MBP: variants seen among roughly 807,000 people sequenced by gnomAD.
MBP encodes Golli-MBP.
In MBP, 16 loss-of-function variants were observed where a neutral mutation model predicts 35.8. The observed-to-expected ratio is 0.45, with a 90% CI of 0.30 to 0.68. The LOEUF is 0.68. Among genes scored for constraint, MBP ranks in the 30% least tolerant of loss-of-function variants. MBP has a pLI of 0.08. For missense variants in MBP, 380 were observed against 404.7 expected, an observed-to-expected ratio of 0.94 and a Z score of 0.52; for synonymous variants, 143 against 159.6, an observed-to-expected ratio of 0.90 and a Z score of 0.78.
intron 1 of MBP, among the ~76,000 whole-genome samples, chr18:77,120,705 C>T (rs78944586): frequency 0.027 from 4,037 of 152,232 alleles, 169 homozygotes; most frequent in Admixed American, 0.095. Flanking sequence ...TATTGGGATT[C>T]GGAAAACCAC....
intron 3 of MBP, among the ~76,000 whole-genome samples, chr18:77,035,053 A>G (rs1972703486): frequency 6.6e-6 from 1 of 152,204 alleles, no homozygotes; most frequent in African/African-American, 2.4e-5. Context: ...GCATGCCCCA[A>G]GTTTACCTTC....
At chr18:76,991,516 C>T (rs1969916355) in intron 4 of MBP, among the ~76,000 whole-genome samples, 1 of 152,164 alleles carries the variant, frequency 6.6e-6, no homozygotes, top group African/African-American at 2.4e-5. Flanking sequence ...GGCCCAACAG[C>T]GGTGAATGCG....
intron 3 of MBP, among the ~76,000 whole-genome samples, chr18:77,027,982 T>TTTTTTTTATTTATTTATTTATTTATTTA (rs1972289692): frequency 3.4e-5 from 5 of 145,340 alleles, no homozygotes; most frequent in African/African-American, 1.3e-4. Context: ...CCCAGCTAAT[T>TTTTTTTTATTTATTTATTTATTTATTTA]TTTATTTATT....
intron 1 of MBP, among the ~76,000 whole-genome samples, chr18:77,126,577 G>A (rs1208959617): frequency 6.6e-6 from 1 of 152,078 alleles, no homozygotes; most frequent in African/African-American, 2.4e-5. Context: ...ATATAAATTG[G>A]AAAGAAGAAA....
intron 2 of MBP, among the ~76,000 whole-genome samples, chr18:77,092,284 C>T (rs925979512): frequency 6.6e-6 from 1 of 152,206 alleles, no homozygotes; most frequent in Non-Finnish European, 1.5e-5. Context: ...TCGGGCTGCA[C>T]CCTCCCTCTG....
intron 2 of MBP, among the ~76,000 whole-genome samples, chr18:77,098,853 G>A (rs943104960): frequency 5.9e-5 from 9 of 152,120 alleles, no homozygotes; most frequent in East Asian, 1.9e-4. Flanking sequence ...TTCCTCCTCC[G>A]CGCTGCATTT....
intron 3 of MBP, among the ~76,000 whole-genome samples, chr18:77,021,478 G>A (rs1971982903): frequency 7.0e-6 from 1 of 142,728 alleles, no homozygotes; most frequent in South Asian, 2.2e-4. Context: ...CTGTGAAGAT[G>A]CACCTTTTTT....
At position 77,054,248 on chromosome 18, in the gene MBP, T is replaced by C. The variant is rs914407520; in HGVS notation, c.139+12050A>G. Reference sequence around the variant, plus strand: ...AGCCTCAGAGATTTAGGAGTTCCTCTGGCAGGCCTGCAGAGCCCACCTGCG... The same window carrying C: ...AGCCTCAGAGATTTAGGAGTTCCTCCGGCAGGCCTGCAGAGCCCACCTGCG... On this transcript the variant is annotated intron_variant, in intron 3 of 8. Coordinates refer to ENST00000355994, the MANE Select transcript of MBP (RefSeq NM_001025101.2). Among the ~76,000 whole-genome samples the C allele has an allele frequency of 2.6e-5, 4 of 152,244 alleles. No individual in the cohort carries two copies. In the East Asian group the frequency reaches 7.7e-4, roughly 29 times the overall value.
At chr18:77,118,648 AC>A (rs1976782105) in intron 1 of MBP, among the ~76,000 whole-genome samples, 2 of 54,968 alleles carry the variant, frequency 3.6e-5, no homozygotes, top group Admixed American at 4.0e-4. Context: ...ACTACACACC[AC>A]ACACACACAC....
intron 3 of MBP, among the ~76,000 whole-genome samples, chr18:77,054,768 T>C (rs1190262998): frequency 6.6e-6 from 1 of 152,136 alleles, no homozygotes; most frequent in Non-Finnish European, 1.5e-5. Flanking sequence ...ACATCTCAAA[T>C]TCCAATTCCT....
intron 2 of MBP, among the ~76,000 whole-genome samples, chr18:77,104,470 A>T (rs1238992648): frequency 1.3e-5 from 2 of 152,236 alleles, no homozygotes; most frequent in Non-Finnish European, 2.9e-5. Context: ...AAACAGCTCA[A>T]GTATTTCCTG....
In MBP at chr18:77,018,399, TCATCCATCCACC is replaced by T. The variant is rs1971775926; in HGVS notation, c.140-1143_140-1132del. ...ATCCATCCATCCATCCCCCATCCACTCATCCATCCACCCACCCACCATCTATCCACTCATGCA... is the reference window on the plus strand; with the variant it reads ...ATCCATCCATCCATCCCCCATCCACTCACCCACCATCTATCCACTCATGCA... On this transcript the variant is annotated intron_variant, in intron 3 of 8. Coordinates refer to ENST00000355994, the MANE Select transcript of MBP (RefSeq NM_001025101.2). Among the ~76,000 whole-genome samples the T allele has an allele frequency of 3.6e-5, 3 of 82,508 alleles. No individual in the cohort carries two copies. The South Asian group carries it at 1.1e-3, about 30-fold the overall frequency. 54.1% of individuals were successfully genotyped at this position (82,508 alleles called of 152,430 possible). A position where few individuals can be genotyped will look rare whatever the true frequency, so the allele number is the denominator to read the frequency against.
chr18:77,013,144 G>C (rs1309045443), intron 4 of MBP: 1 of 985,292 alleles, frequency 1.0e-6, no homozygotes, highest in Non-Finnish European at 1.2e-6. Context: ...ATCTCAAAAG[G>C]TATTTGTTTG....
chr18:77,033,266 C>T (rs901654615), intron 3 of MBP, among the ~76,000 whole-genome samples: 5 of 152,072 alleles, frequency 3.3e-5, no homozygotes, highest in African/African-American at 1.2e-4. Flanking sequence ...CTCCACCCAG[C>T]CAAACATGGC....
rs142886765 is a variant in MBP, at chr18:77,067,864, C to T, written c.52-1479G>A. On this transcript the variant is annotated intron_variant, in intron 2 of 8. Transcript: ENST00000355994. ...GGGGCAGGCACAGCCATTAAGACCA[C>T]CCTGAAGTCTGATTCAGACCTAGTG... 104 of 510,666 alleles carry T rather than the reference C, an allele frequency of 2.0e-4. No homozygotes were observed. In the East Asian group the frequency reaches 4.9e-3, roughly 24 times the overall value. The allele number at this position is 510,666 out of a possible 1,614,324, so 31.6% of individuals were successfully genotyped here. A position where few individuals can be genotyped will look rare whatever the true frequency, so the allele number is the denominator to read the frequency against.
chr18:77,014,718 G>A (rs1050408404), intron 4 of MBP: 2 of 985,284 alleles, frequency 2.0e-6, no homozygotes, highest in African/African-American at 3.5e-5. Context: ...TGATAAAATA[G>A]TTGAGTGGAG....
chr18:77,001,723 A>G (rs1268221765), intron 4 of MBP, among the ~76,000 whole-genome samples: 1 of 152,040 alleles, frequency 6.6e-6, no homozygotes. Flanking sequence ...GGTGGCGGAC[A>G]CCTGTAATCC....
chr18:77,044,515 G>A lies in MBP; in HGVS notation c.139+21783C>T, dbSNP rs772481931. 2.0e-5 allele frequency among the ~76,000 whole-genome samples: 3 copies of A among 151,902 alleles called. No individual in the cohort carries two copies. Among genetic ancestry groups the A allele is most frequent in the Admixed American group, 6.6e-5 (1 of 15,248 alleles). On this transcript the variant is annotated intron_variant, in intron 3 of 8. Transcript: ENST00000355994. This position sits in a 1 kb window ranked among gnomAD's most constrained non-coding sequence, Gnocchi z 4.4. Reference sequence around the variant, plus strand: ...CCTGTACAGGCCTTCCTGACCCCTCGTCCCTGGAAAGCCCTCTCCAGGGCC... The same window carrying A: ...CCTGTACAGGCCTTCCTGACCCCTCATCCCTGGAAAGCCCTCTCCAGGGCC...
At chr18:76,999,963 T>C (rs1970542262) in intron 4 of MBP, among the ~76,000 whole-genome samples, 1 of 152,166 alleles carries the variant, frequency 6.6e-6, no homozygotes, top group African/African-American at 2.4e-5. Flanking sequence ...TCAGTTGCAC[T>C]ATAAAAGAAG....
Sources: allele counts gnomAD v4.1 joint callset (sites outside exome capture counted in the v4.1 genomes callset), GRCh38; gene constraint gnomAD v4.1.1; non-coding constraint Gnocchi (gnomAD v3.1); transcripts MANE v1.5; gene names NCBI Gene and HGNC (gene_info 2026-07-23, HGNC 2026-07-21).